TMX4: variants seen among roughly 807,000 people sequenced by gnomAD.
TMX4 encodes the protein thioredoxin-related transmembrane protein 4.
In TMX4, 23 loss-of-function variants were observed where a neutral mutation model predicts 33.3. The observed-to-expected ratio is 0.69, with a 90% CI of 0.50 to 0.98. The LOEUF is 0.98. TMX4 is among the 50% of genes least tolerant of loss of function. TMX4 has a pLI of 0.00. For synonymous variants in TMX4, 164 were observed against 161.5 expected (o/e 1.02, Z -0.12); for missense variants, 399 against 448.9 (o/e 0.89, Z 1.01).
chr20:8,012,628 T>C (rs1009179497), intron 1 of TMX4, among the ~76,000 whole-genome samples: 2 of 149,784 alleles, frequency 1.3e-5, no homozygotes, highest in Non-Finnish European at 3.0e-5. Context: ...GAACTTCAGA[T>C]CCTCTTTATT....
rs924252187 is a variant in TMX4 at position 7,987,357 on chromosome 20, T to C, written c.546A>G (p.Gly182=). ...HLHNYFTVTL[G]IPAWCSYVFF... is the part of the protein sequence containing the mutation. ...AGACATAAGAACACCAAGCAGGAATTCCAAGAGTCACTGTGAAATAGTTGT... is the reference window on the plus strand; with the variant it reads ...AGACATAAGAACACCAAGCAGGAATCCCAAGAGTCACTGTGAAATAGTTGT... The change falls in exon 6 of 8, where the codon GGA becomes GGG. Residue 182 remains glycine, a synonymous_variant. Coordinates refer to ENST00000246024, the MANE Select transcript of TMX4 (RefSeq NM_021156.4). 3.8e-6 allele frequency: 6 copies of C among 1,596,320 alleles called. No homozygotes were observed. Among genetic ancestry groups the C allele is most frequent in the Admixed American group, 3.7e-5 (2 of 54,634 alleles).
chr20:8,013,623 G>A (rs2050761621), intron 1 of TMX4: 2 of 152,120 alleles, frequency 1.3e-5, no homozygotes, highest in South Asian at 2.1e-4. Flanking sequence ...GATGGAACGA[G>A]GTTGAAGGAC....
intron 6 of TMX4, among the ~76,000 whole-genome samples, chr20:7,987,081 A>G (rs2050634037): frequency 6.7e-6 from 1 of 149,594 alleles, no homozygotes; most frequent in Admixed American, 6.7e-5. Flanking sequence ...TACTTAAGGG[A>G]TAGGATTAGG....
chr20:7,995,514 C>A (rs2050672379), intron 5 of TMX4, among the ~76,000 whole-genome samples: 1 of 152,096 alleles, frequency 6.6e-6, no homozygotes, highest in Non-Finnish European at 1.5e-5. Context: ...GCTTGTGAAC[C>A]ACAATTCTCT....
chr20:8,006,760 C>CTTTT lies in TMX4; in HGVS notation c.292+3436_292+3439dup, dbSNP rs3030970. On this transcript the variant is annotated intron_variant, in intron 2 of 7. Transcript: ENST00000246024. ...TTCTCCTATGATGGAACTTCTTCTT[C>CTTTT]TTTTTTTTTTTTTTTGAGACAAAGT... Among the ~76,000 whole-genome samples the CTTTT allele has an allele frequency of 3.8e-3, 531 of 139,498 alleles. 6 individuals are homozygous for CTTTT. The highest frequency in any genetic ancestry group is 0.012 in the African/African-American group (464 of 37,432). The allele number at this position is 139,498 out of a possible 152,430, so 91.5% of individuals were successfully genotyped here.
intron 7 of TMX4, among the ~76,000 whole-genome samples, chr20:7,983,583 G>T (rs372655668): frequency 7.2e-5 from 11 of 152,162 alleles, no homozygotes; most frequent in African/African-American, 2.4e-4. Flanking sequence ...AAAAGAAAAA[G>T]CAATTGCCAA....
chr20:8,018,323 CAGAGAG>C (rs72313818), intron 1 of TMX4, among the ~76,000 whole-genome samples: 560 of 54,688 alleles, frequency 0.01, 11 homozygotes, highest in East Asian at 0.029. Context: ...GAGAGAGAGA[CAGAGAG>C]AGAGAGAGAG....
intron 1 of TMX4, among the ~76,000 whole-genome samples, chr20:8,011,811 T>C (rs2050754250): frequency 6.6e-6 from 1 of 152,122 alleles, no homozygotes; most frequent in Non-Finnish European, 1.5e-5. Context: ...TAAAACATCA[T>C]TAATCTTTCC....
intron 6 of TMX4, 103 bp downstream of exon 6, chr20:7,987,185 A>G: frequency 1.2e-6 from 1 of 842,866 alleles, no homozygotes; most frequent in Non-Finnish European, 1.9e-6. Flanking sequence ...TAGATTGCAC[A>G]AAATACTATT....
At chr20:7,983,481 G>A (rs1277174418) in intron 7 of TMX4, among the ~76,000 whole-genome samples, 1 of 152,184 alleles carries the variant, frequency 6.6e-6, no homozygotes, top group Non-Finnish European at 1.5e-5. Flanking sequence ...GCACACAGCA[G>A]AAGCAATATA....
chr20:8,016,298 G>A (rs769270449), intron 1 of TMX4, among the ~76,000 whole-genome samples: 19 of 152,126 alleles, frequency 1.2e-4, no homozygotes, highest in Non-Finnish European at 1.9e-4. Flanking sequence ...CTTGAGCCCG[G>A]GAGGCAGAGG....
chr20:7,998,707 G>A (rs2050688201), intron 4 of TMX4, among the ~76,000 whole-genome samples: 1 of 152,150 alleles, frequency 6.6e-6, no homozygotes, highest in Non-Finnish European at 1.5e-5. Flanking sequence ...TGGGGCTTAT[G>A]CATATGCCAT....
At chr20:8,016,605 A>T (rs2050776465) in intron 1 of TMX4, among the ~76,000 whole-genome samples, 2 of 152,210 alleles carry the variant, frequency 1.3e-5, no homozygotes, top group African/African-American at 2.4e-5. Flanking sequence ...GAAGCTTTTC[A>T]TGTCTCAGGG....
At chr20:8,011,098 T>G (rs1437556811) in intron 1 of TMX4, among the ~76,000 whole-genome samples, 3 of 152,082 alleles carry the variant, frequency 2.0e-5, no homozygotes, top group African/African-American at 7.2e-5. Context: ...TTTTTCATAA[T>G]AAAGTCTTGA....
intron 2 of TMX4, among the ~76,000 whole-genome samples, chr20:8,004,949 A>G (rs1433369966): frequency 6.6e-6 from 1 of 152,234 alleles, no homozygotes; most frequent in Non-Finnish European, 1.5e-5. Flanking sequence ...TGTTGTTATT[A>G]TCAACAAAGA....
rs770242767 is a variant in TMX4, at chr20:7,982,582, T to TG, written c.718dup (p.Gln240ProfsTer11). The TG allele has an allele frequency of 1.2e-6, 2 of 1,613,488 alleles. No individual in the cohort carries two copies. Among genetic ancestry groups the TG allele is most frequent in the African/African-American group, 2.7e-5 (2 of 74,902 alleles). On this transcript the variant is annotated frameshift_variant, in exon 8 of 8. Transcript: ENST00000246024. LOFTEE classifies it low-confidence loss of function (END_TRUNC). ...TTTTTCCTCCTCCGCATCCTGCAAC[T>TG]GTTCAGCTCTATGAGCCTCCTCTGA...
chr20:8,015,828 A>G (rs1276279510), intron 1 of TMX4, among the ~76,000 whole-genome samples: 1 of 152,230 alleles, frequency 6.6e-6, no homozygotes, highest in Non-Finnish European at 1.5e-5. Flanking sequence ...TTTAATTTAA[A>G]TTTTGAAACA....
chr20:7,982,619 G>A lies in TMX4; in HGVS notation c.682C>T (p.Gln228Ter). 1 of 1,607,712 alleles carries A rather than the reference G, an allele frequency of 6.2e-7. No homozygotes were observed. The highest frequency in any genetic ancestry group is 8.5e-7 in the Non-Finnish European group (1 of 1,177,970). Residue 228 changes from glutamine to a stop codon, truncating the protein, a stop_gained and splice_region_variant, in exon 8 of 8, where the codon CAG becomes TAG. Transcript: ENST00000246024. LOFTEE classifies it low-confidence loss of function (END_TRUNC). ...TGAGCCTCCTCTGATCTCCGATTCT[G>A]CTCTATGGAGGGAAGAAAGAGGAAT... ...LPRHLSERSEQNRRSEEAHRA... is the reference protein window; with the variant it reads ...LPRHLSERSE
chr20:7,987,137 G>T, intron 6 of TMX4, 151 bp downstream of exon 6: 1 of 587,962 alleles, frequency 1.7e-6, no homozygotes, highest in Non-Finnish European at 3.0e-6. Context: ...CATTACCATT[G>T]AAAGCAGTCT....
Sources: gnomAD v4.1 joint callset for allele counts (sites outside exome capture counted in the v4.1 genomes callset) on GRCh38, gnomAD v4.1.1 for gene constraint, MANE v1.5 for transcripts, NCBI Gene and HGNC (gene_info 2026-07-23, HGNC 2026-07-21) for gene names.